NLGN4X: variants seen among roughly 807,000 people sequenced by gnomAD.
NLGN4X encodes the protein neuroligin 4 X-linked, also known as neuroligin-4, X-linked.
NLGN4X carries 3 observed loss-of-function variants against 40.3 expected under a neutral mutation model. The observed-to-expected ratio is 0.07, with a 90% CI of 0.03 to 0.19. The LOEUF (loss-of-function observed/expected upper bound fraction) is 0.19. Ranked by LOEUF, NLGN4X falls within the 10% of genes least tolerant of loss-of-function variation. The pLI is 1.00. For missense variants in NLGN4X, 382 were observed against 708.3 expected (o/e 0.54, Z 5.23); for synonymous variants, 270 against 306.8 (o/e 0.88, Z 1.25).
chrX:6,004,837 T>C lies in NLGN4X; in HGVS notation c.625+24443A>G, dbSNP rs774595172. 3.6e-5 allele frequency among the ~76,000 whole-genome samples: 4 copies of C among 112,113 alleles called. No homozygotes were observed. The South Asian group carries it at 1.5e-3, about 43-fold the overall frequency. The stretch of plus-strand genomic sequence containing the variant: ...ATTCAGTAATATTTTCTCCTGCTGG[T>C]AATTTGCTCTGCAGACTGTAACGTT... On this transcript the variant is annotated intron_variant, in intron 3 of 5. Transcript: ENST00000381095.
At chrX:6,183,461 T>C (rs1469701721) in intron 1 of NLGN4X, among the ~76,000 whole-genome samples, 1 of 109,824 alleles carries the variant, frequency 9.1e-6, no homozygotes, top group Non-Finnish European at 1.9e-5. Context: ...GCAGGAGATA[T>C]GCATGAACAC....
intron 3 of NLGN4X, among the ~76,000 whole-genome samples, chrX:6,021,028 C>T (rs1295336126): frequency 6.2e-4 from 13 of 20,934 alleles, no homozygotes; most frequent in South Asian, 5.2e-3. Flanking sequence ...CTCTCTCTCT[C>T]TCTCTCTCTC....
chrX:5,897,443 C>T (rs2031557440), intron 5 of NLGN4X, among the ~76,000 whole-genome samples: 2 of 111,526 alleles, frequency 1.8e-5, no homozygotes, highest in South Asian at 7.6e-4. Context: ...TTAGTTTTCA[C>T]TTCTCCTTGA....
intron 2 of NLGN4X, among the ~76,000 whole-genome samples, chrX:6,130,789 C>T (rs777053588): frequency 5.6e-4 from 63 of 111,956 alleles, no homozygotes; most frequent in Non-Finnish European, 1.0e-3. Context: ...AAAAATGTAT[C>T]CCCAATCCCA....
chrX:5,924,677 C>T (rs985485368), intron 3 of NLGN4X, among the ~76,000 whole-genome samples: 1 of 111,936 alleles, frequency 8.9e-6, no homozygotes. Flanking sequence ...CTCAGCCATA[C>T]AAAGAAATGA....
intron 2 of NLGN4X, among the ~76,000 whole-genome samples, chrX:6,103,052 G>A (rs970627866): frequency 1.8e-5 from 2 of 111,872 alleles, no homozygotes; most frequent in Admixed American, 1.9e-4. Flanking sequence ...CTCCTTGAAA[G>A]TATGCAATGC....
intron 3 of NLGN4X, among the ~76,000 whole-genome samples, chrX:6,010,513 T>TTTATTATTTTTATTATTATTA (rs1555947642): frequency 2.1e-5 from 2 of 95,413 alleles, no homozygotes; most frequent in African/African-American, 7.5e-5. Context: ...TTCTTTTTAT[T>TTTATTATTTTTATTATTATTA]TTATTATTAT....
At chrX:6,047,064 T>A (rs1050832592) in intron 2 of NLGN4X, among the ~76,000 whole-genome samples, 1 of 109,950 alleles carries the variant, frequency 9.1e-6, no homozygotes, top group Non-Finnish European at 1.9e-5. Flanking sequence ...TGTGTACACA[T>A]ATATACATAT....
chrX:5,949,786 T>C (rs1319868701), intron 3 of NLGN4X, among the ~76,000 whole-genome samples: 2 of 111,884 alleles, frequency 1.8e-5, no homozygotes, highest in African/African-American at 6.5e-5. Context: ...CTGTGTTTTA[T>C]GTCCTCAATG....
intron 1 of NLGN4X, among the ~76,000 whole-genome samples, chrX:6,212,715 T>C (rs1049849894): frequency 3.6e-5 from 4 of 111,819 alleles, no homozygotes; most frequent in Non-Finnish European, 5.6e-5. Flanking sequence ...AAGAAGGTGT[T>C]TTTGCAAGCT....
intron 1 of NLGN4X, among the ~76,000 whole-genome samples, chrX:6,190,394 A>C (rs1922438141): frequency 8.9e-6 from 1 of 112,327 alleles, no homozygotes; most frequent in Non-Finnish European, 1.9e-5. Flanking sequence ...TTTGGAAGCT[A>C]CAACATTCAA....
chrX:6,148,422 T>C (rs1013407690), intron 2 of NLGN4X, among the ~76,000 whole-genome samples: 4 of 112,333 alleles, frequency 3.6e-5, no homozygotes, highest in African/African-American at 9.7e-5. Context: ...AGAATCAGCA[T>C]GATGCCAACA....
chrX:6,131,341 G>A (rs1306118078), intron 2 of NLGN4X, among the ~76,000 whole-genome samples: 1 of 111,890 alleles, frequency 8.9e-6, no homozygotes, highest in Non-Finnish European at 1.9e-5. Flanking sequence ...CCAATGGTCA[G>A]CTTGTTCCCT....
chrX:6,007,001 T>C (rs541527333), intron 3 of NLGN4X, among the ~76,000 whole-genome samples: 21 of 112,020 alleles, frequency 1.9e-4, no homozygotes, highest in African/African-American at 6.8e-4. Flanking sequence ...TCCACTCATA[T>C]GTTTATCACT....
intron 4 of NLGN4X, 66 bp downstream of exon 4, chrX:5,908,988 G>A: frequency 8.8e-7 from 1 of 1,142,633 alleles, no homozygotes; most frequent in Non-Finnish European, 1.2e-6. Context: ...TCTGAGATAT[G>A]AACTCTGACC....
chrX:6,122,239 G>GT (rs1445213646), intron 2 of NLGN4X, among the ~76,000 whole-genome samples: 2 of 111,004 alleles, frequency 1.8e-5, no homozygotes, highest in African/African-American at 3.3e-5. Flanking sequence ...TTTATTTTTT[G>GT]TTTTTTATTT....
chrX:5,953,949 G>A (rs963202534), intron 3 of NLGN4X, among the ~76,000 whole-genome samples: 3 of 111,299 alleles, frequency 2.7e-5, no homozygotes, highest in Non-Finnish European at 5.7e-5. Context: ...AGCTGCCTCT[G>A]CCAACAGACT....
chrX:6,125,040 G>A (rs1274403047), intron 2 of NLGN4X, among the ~76,000 whole-genome samples: 2 of 112,358 alleles, frequency 1.8e-5, no homozygotes, highest in Non-Finnish European at 3.8e-5. Context: ...GTATATGTGT[G>A]CATGTGCCTT....
intron 1 of NLGN4X, among the ~76,000 whole-genome samples, chrX:6,217,323 C>T (rs1279466069): frequency 9.0e-6 from 1 of 111,425 alleles, no homozygotes; most frequent in African/African-American, 3.3e-5. Context: ...AGATTAAATG[C>T]CTAAATACAT....
Sources: gnomAD v4.1 joint callset for allele counts (sites outside exome capture counted in the v4.1 genomes callset) on GRCh38, gnomAD v4.1.1 for gene constraint, MANE v1.5 for transcripts, NCBI Gene and HGNC (gene_info 2026-07-23, HGNC 2026-07-21) for gene names.